ATXN1: variants seen among roughly 807,000 people sequenced by gnomAD.
The protein encoded by ATXN1 is ataxin-1.
ATXN1 carries 8 observed loss-of-function variants against 56.4 expected under a neutral mutation model. That is an observed-to-expected ratio of 0.14 (90% confidence interval 0.08 to 0.26). The LOEUF is 0.26. Among genes scored for constraint, ATXN1 ranks in the 10% least tolerant of loss-of-function variants. The pLI is 1.00. For missense variants in ATXN1, 987 were observed against 1,106.5 expected, an observed-to-expected ratio of 0.89 and a Z score of 1.53; for synonymous variants, 514 against 494.6, an observed-to-expected ratio of 1.04 and a Z score of -0.52.
At chr6:16,489,560 T>C (rs1760617181) in intron 5 of ATXN1, among the ~76,000 whole-genome samples, 2 of 152,198 alleles carry the variant, frequency 1.3e-5, no homozygotes, top group Admixed American at 6.5e-5. Context: ...CTAGCTCTCA[T>C]AGCTTCTCAA....
intron 6 of ATXN1, among the ~76,000 whole-genome samples, chr6:16,467,177 CTTG>C (rs1760125300): frequency 6.6e-6 from 1 of 152,220 alleles, no homozygotes; most frequent in Non-Finnish European, 1.5e-5. Flanking sequence ...ATCCCCAGCA[CTTG>C]TTTTCTTGAC....
chr6:16,676,039 G>C (rs2113390486), intron 2 of ATXN1, among the ~76,000 whole-genome samples: 1 of 152,264 alleles, frequency 6.6e-6, no homozygotes, highest in Admixed American at 6.5e-5. Context: ...GCTGCATTAT[G>C]AATGAAAACA....
At position 16,594,236 on chromosome 6, in the gene ATXN1, T is replaced by A. The variant is rs553923445; in HGVS notation, c.-488-8329A>T. ...TTTTTCTATTAGAAACAATGCTGTGTCCATTAGGAACAATACCCATCAGCA... is the reference window on the plus strand; with the variant it reads ...TTTTTCTATTAGAAACAATGCTGTGACCATTAGGAACAATACCCATCAGCA... On this transcript the variant is annotated intron_variant, in intron 3 of 7. Transcript: ENST00000436367. Among the ~76,000 whole-genome samples, 6 of 151,208 alleles carry A rather than the reference T, an allele frequency of 4.0e-5. No individual in the cohort carries two copies. The East Asian group carries it at 1.2e-3, about 29-fold the overall frequency.
At chr6:16,385,699 C>T (rs1329934232) in intron 6 of ATXN1, among the ~76,000 whole-genome samples, 1 of 152,228 alleles carries the variant, frequency 6.6e-6, no homozygotes, top group Non-Finnish European at 1.5e-5. Flanking sequence ...GTACTCGATA[C>T]ATACCAGTTG....
chr6:16,451,788 G>C (rs998793779), intron 6 of ATXN1, among the ~76,000 whole-genome samples: 1 of 151,840 alleles, frequency 6.6e-6, no homozygotes, highest in African/African-American at 2.4e-5. Flanking sequence ...TAGTATAGTT[G>C]AAAGAAACGT....
At chr6:16,618,482 G>C (rs1263933163) in intron 3 of ATXN1, among the ~76,000 whole-genome samples, 1 of 152,180 alleles carries the variant, frequency 6.6e-6, no homozygotes, top group Non-Finnish European at 1.5e-5. Context: ...TGTAATCCCA[G>C]CACTTTGGGA....
intron 3 of ATXN1, among the ~76,000 whole-genome samples, chr6:16,618,273 C>T (rs1004591428): frequency 6.6e-6 from 1 of 151,976 alleles, no homozygotes; most frequent in African/African-American, 2.4e-5. Context: ...GAGGGAGGGA[C>T]AAGGGGAGGA....
In ATXN1 at chr6:16,641,605, G is replaced by A. The variant is rs943954734; in HGVS notation, c.-489+16171C>T. ...TTACTGCTTATTGACAATGCACTTC[G>A]TCACTCATCTAAGAGCTCTGATGGA... On this transcript the variant is annotated intron_variant, in intron 3 of 7. Coordinates refer to ENST00000436367, the MANE Select transcript of ATXN1 (RefSeq NM_001128164.2). Among the ~76,000 whole-genome samples, 7 of 152,296 alleles carry A rather than the reference G, an allele frequency of 4.6e-5. 1 individual carries two copies. Among genetic ancestry groups the A allele is most frequent in the Non-Finnish European group, 1.5e-5 (1 of 68,030 alleles).
At chr6:16,631,343 TG>T (rs1007261671) in intron 3 of ATXN1, among the ~76,000 whole-genome samples, 4 of 152,202 alleles carry the variant, frequency 2.6e-5, no homozygotes, top group Non-Finnish European at 5.9e-5. Flanking sequence ...TAAGTAGAAA[TG>T]GGTCTAGAAA....
intron 5 of ATXN1, among the ~76,000 whole-genome samples, chr6:16,498,830 C>T (rs1322645995): frequency 1.3e-5 from 2 of 152,136 alleles, no homozygotes; most frequent in Non-Finnish European, 2.9e-5. Context: ...ATGCCTTTGT[C>T]CATCTTTAAA....
chr6:16,614,157 G>C (rs1267230546), intron 3 of ATXN1, among the ~76,000 whole-genome samples: 2 of 151,660 alleles, frequency 1.3e-5, no homozygotes, highest in Non-Finnish European at 2.9e-5. Context: ...TTGCCCATTT[G>C]TATGGAATTT....
rs940263048 is a variant in ATXN1 at position 16,760,955 on chromosome 6, C to A, written c.-730+343G>T. ...CCCCGCCCGGGCGCGCCCCCTAGCC[C>A]GGCGGGCGCCCACCCAGCCCCTGAC... On this transcript the variant is annotated intron_variant, in intron 1 of 7. Coordinates refer to ENST00000436367, the MANE Select transcript of ATXN1 (RefSeq NM_001128164.2). The surrounding 1 kb of genome is among the most constrained non-coding windows in gnomAD (Gnocchi z 5.3). 4.0e-5 allele frequency among the ~76,000 whole-genome samples: 6 copies of A among 148,992 alleles called. No homozygotes were observed. The highest frequency in any genetic ancestry group is 6.7e-5 in the Admixed American group (1 of 15,012).
At chr6:16,743,563 C>T (rs17615335) in intron 2 of ATXN1, among the ~76,000 whole-genome samples, 6,274 of 152,304 alleles carry the variant, frequency 0.041, 239 homozygotes, top group Admixed American at 0.1. Flanking sequence ...ATTGCCCATT[C>T]ACTAGATGCC....
intron 3 of ATXN1, chr6:16,615,977 G>A (rs757312045): frequency 4.6e-4 from 70 of 152,014 alleles, no homozygotes; most frequent in African/African-American, 1.7e-3. Flanking sequence ...AGGTTGCAAT[G>A]AGCCAAGATC....
At position 16,309,864 on chromosome 6, in the gene ATXN1, T is replaced by C. The variant is rs144146812; in HGVS notation, c.1918-3005A>G. Among the ~76,000 whole-genome samples the C allele has an allele frequency of 6.7e-4, 102 of 151,802 alleles. 1 individual carries two copies. Among genetic ancestry groups the C allele is most frequent in the African/African-American group, 1.6e-3 (66 of 41,186 alleles). ...GTCTGGCCAACATGGTGAAACCCCA[T>C]CTCTACTAAAAATGCAAAAATTAGC... On this transcript the variant is annotated intron_variant, in intron 7 of 7. Coordinates refer to ENST00000436367, the MANE Select transcript of ATXN1 (RefSeq NM_001128164.2).
intron 5 of ATXN1, among the ~76,000 whole-genome samples, chr6:16,501,489 G>T (rs1027976079): frequency 1.3e-5 from 2 of 151,932 alleles, no homozygotes; most frequent in South Asian, 4.2e-4. Context: ...CCCACTCACC[G>T]ATAGGCCCTG....
In ATXN1 at chr6:16,760,993, G is replaced by GC. The variant is rs1468674587; in HGVS notation, c.-730+304_-730+305insG. ...CCCAGCCCCTGACAGCCCCCCCGCC[G>GC]GCCGCCCCTGCGCCCAGAGTGGGGG... On this transcript the variant is annotated intron_variant, in intron 1 of 7. Coordinates refer to ENST00000436367, the MANE Select transcript of ATXN1 (RefSeq NM_001128164.2). This position sits in a 1 kb window ranked among gnomAD's most constrained non-coding sequence, Gnocchi z 5.3. 1 of 149,566 alleles carries GC rather than the reference G, an allele frequency of 6.7e-6. No individual in the cohort carries two copies. Among genetic ancestry groups the GC allele is most frequent in the African/African-American group, 2.5e-5 (1 of 40,504 alleles). 9.3% of individuals were successfully genotyped at this position (149,566 alleles called of 1,614,324 possible). A position where few individuals can be genotyped will look rare whatever the true frequency, so the allele number is the denominator to read the frequency against.
intron 4 of ATXN1, among the ~76,000 whole-genome samples, chr6:16,569,443 C>T (rs182428559): frequency 9.4e-5 from 14 of 149,044 alleles, no homozygotes; most frequent in African/African-American, 3.2e-4. Flanking sequence ...AGGAGAATCG[C>T]TTGAACCCAG....
intron 5 of ATXN1, among the ~76,000 whole-genome samples, chr6:16,488,165 A>G (rs986959398): frequency 6.6e-6 from 1 of 152,158 alleles, no homozygotes; most frequent in African/African-American, 2.4e-5. Flanking sequence ...TGTGACAGCA[A>G]ATAATGACCC....
Sources: allele counts gnomAD v4.1 joint callset (sites outside exome capture counted in the v4.1 genomes callset), GRCh38; gene constraint gnomAD v4.1.1; non-coding constraint Gnocchi (gnomAD v3.1); transcripts MANE v1.5; gene names NCBI Gene and HGNC (gene_info 2026-07-23, HGNC 2026-07-21).